The following LPIN1 variants were observed in gnomAD, a reference collection of about 807,000 sequenced individuals.
LPIN1 encodes the protein phosphatidate phosphatase LPIN1.
Under a neutral mutation model 107.5 loss-of-function variants are expected in LPIN1, and 71 were observed. The observed-to-expected ratio is 0.66, with a 90% CI of 0.55 to 0.80. The LOEUF is 0.80. LPIN1 is among the 30% of genes least tolerant of loss of function. The probability of loss-of-function intolerance (pLI) is 0.00; values close to 1 mark genes in which losing one functional copy is unlikely to be tolerated. For synonymous variants in LPIN1, 445 were observed against 452.6 expected (o/e 0.98, Z 0.21); for missense variants, 1,043 against 1,160.6 (o/e 0.90, Z 1.47).
chr2:11,813,134 C>G (rs1037397128), intron 17 of LPIN1, among the ~76,000 whole-genome samples: 1 of 152,014 alleles, frequency 6.6e-6, no homozygotes, highest in Admixed American at 6.6e-5. Flanking sequence ...TTTTGGAGTG[C>G]GATGAGTACT....
intron 12 of LPIN1, among the ~76,000 whole-genome samples, chr2:11,791,457 C>A (rs947554903): frequency 9.9e-5 from 15 of 151,968 alleles, no homozygotes; most frequent in African/African-American, 3.6e-4. Context: ...AGAAATTTAC[C>A]CTTAGTAAAA....
intron 1 of LPIN1, among the ~76,000 whole-genome samples, chr2:11,730,070 T>C (rs1665038341): frequency 6.6e-6 from 1 of 152,208 alleles, no homozygotes; most frequent in Non-Finnish European, 1.5e-5. Flanking sequence ...TCCACCCTAC[T>C]CTTTCTCTCT....
At chr2:11,751,955 TG>T (rs1558801498) in intron 1 of LPIN1, among the ~76,000 whole-genome samples, 1 of 152,256 alleles carries the variant, frequency 6.6e-6, no homozygotes, top group African/African-American at 2.4e-5. Flanking sequence ...TTAATATTTA[TG>T]GAGCTACCTC....
At chr2:11,810,506 C>A (rs530325526) in intron 17 of LPIN1, among the ~76,000 whole-genome samples, 1 of 152,138 alleles carries the variant, frequency 6.6e-6, no homozygotes, top group African/African-American at 2.4e-5. Context: ...GGTTGCAGAG[C>A]GCCTGGGAGG....
intron 18 of LPIN1, chr2:11,818,097 C>G (rs1433931623): frequency 6.6e-6 from 1 of 152,222 alleles, no homozygotes; most frequent in Non-Finnish European, 1.5e-5. Flanking sequence ...GCCATAGTGT[C>G]CCAGCTCCCA....
At chr2:11,746,570 T>G, upstream of LPIN1, 4 of 717,878 alleles carry the variant, frequency 5.6e-6, no homozygotes, top group Non-Finnish European at 6.8e-6. Context: ...GCCCCTGCCC[T>G]CTGCCCCCGC....
rs1254311885 is a variant in LPIN1, at chr2:11,805,038, T to C, written c.2163-32T>C. On this transcript the variant is annotated intron_variant, in intron 16 of 20. Coordinates refer to ENST00000674199, the MANE Select transcript of LPIN1 (RefSeq NM_001349206.2). ...GTGCAATGAATCTGAAAGGGATTTTTACTTTATTTTTCTCTTTTCCTCTTC... is the reference window on the plus strand; with the variant it reads ...GTGCAATGAATCTGAAAGGGATTTTCACTTTATTTTTCTCTTTTCCTCTTC... 3.6e-6 allele frequency: 5 copies of C among 1,381,182 alleles called. No homozygotes were observed. In the South Asian group the frequency reaches 5.8e-5, roughly 16 times the overall value. The allele number at this position is 1,381,182 out of a possible 1,614,324, so 85.6% of individuals were successfully genotyped here.
intron 9 of LPIN1, chr2:11,784,424 CA>C (rs1273614227): frequency 2.7e-6 from 3 of 1,116,290 alleles, no homozygotes; most frequent in African/African-American, 1.6e-5. Flanking sequence ...CACCTCTGGA[CA>C]GGGGCGCAGC....
chr2:11,745,486 ACTG>A (rs1035398406), upstream of LPIN1, among the ~76,000 whole-genome samples: 5 of 152,196 alleles, frequency 3.3e-5, no homozygotes, highest in African/African-American at 1.2e-4. Context: ...AGGTGGGAAG[ACTG>A]CTTGAGCCCA....
chr2:11,820,268 G>T (rs1314733084), intron 19 of LPIN1, 143 bp from the exon 20 acceptor site: 3 of 658,302 alleles, frequency 4.6e-6, no homozygotes, highest in Non-Finnish European at 5.5e-6. Flanking sequence ...TCCCATCAAA[G>T]GATATTCTTT....
intron 2 of LPIN1, among the ~76,000 whole-genome samples, chr2:11,766,880 C>T (rs1245891872): frequency 6.6e-6 from 1 of 152,110 alleles, no homozygotes; most frequent in Non-Finnish European, 1.5e-5. Flanking sequence ...GGGAGGAAAG[C>T]GTAATGGTGG....
chr2:11,760,549 C>T (rs548537826), intron 1 of LPIN1, among the ~76,000 whole-genome samples: 1 of 152,190 alleles, frequency 6.6e-6, no homozygotes, highest in Non-Finnish European at 1.5e-5. Context: ...GGCGTGGCGG[C>T]GCACGCCTGC....
At chr2:11,743,531 C>A (rs1383835575), upstream of LPIN1, among the ~76,000 whole-genome samples, 1 of 152,162 alleles carries the variant, frequency 6.6e-6, no homozygotes, top group Non-Finnish European at 1.5e-5. This position sits in a 1 kb window ranked among gnomAD's most constrained non-coding sequence, Gnocchi z 4.7. Context: ...CTGGTTCCCA[C>A]CTGGTTCTTA....
In LPIN1 at chr2:11,824,659, C is replaced by A; in HGVS notation, c.2649C>A (p.Asp883Glu). Residue 883 changes from aspartate (D) to glutamate (E), a missense_variant, in exon 21 of 21, where the codon GAC becomes GAA. By Grantham distance (45) the Asp-to-Glu change is conservative (BLOSUM62 2). Coordinates refer to ENST00000674199, the MANE Select transcript of LPIN1 (RefSeq NM_001349206.2). Reference protein sequence around the residue: ...SSYVRLCEVVDHVFPLLKRSH... With the variant: ...SSYVRLCEVVEHVFPLLKRSH... Reference sequence around the variant, plus strand: ...ATGTGAGACTCTGTGAAGTAGTCGACCACGTTTTCCCGTTGCTGAAAAGAA... The same window carrying A: ...ATGTGAGACTCTGTGAAGTAGTCGAACACGTTTTCCCGTTGCTGAAAAGAA... 4 of 1,614,096 alleles carry A rather than the reference C, an allele frequency of 2.5e-6. No homozygotes were observed. Among genetic ancestry groups the A allele is most frequent in the Non-Finnish European group, 3.4e-6 (4 of 1,180,040 alleles).
intron 20 of LPIN1, among the ~76,000 whole-genome samples, chr2:11,822,010 G>T (rs561567146): frequency 6.6e-6 from 1 of 152,096 alleles, no homozygotes; most frequent in Non-Finnish European, 1.5e-5. Flanking sequence ...ACAATGTCTC[G>T]TTCCCACTCC....
intron 11 of LPIN1, among the ~76,000 whole-genome samples, chr2:11,788,058 T>C (rs1674969857): frequency 6.6e-6 from 1 of 152,208 alleles, no homozygotes; most frequent in Non-Finnish European, 1.5e-5. Flanking sequence ...TACACCTAGT[T>C]GCCTTTACCT....
intron 9 of LPIN1, 187 bp from the exon 10 acceptor site, chr2:11,784,699 T>C: frequency 1.5e-6 from 1 of 669,974 alleles, no homozygotes; most frequent in Non-Finnish European, 2.7e-6. Context: ...AAGTAATGGT[T>C]TTCTCTCCTA....
intron 14 of LPIN1, among the ~76,000 whole-genome samples, chr2:11,796,971 G>A (rs1453765517): frequency 6.6e-6 from 1 of 152,210 alleles, no homozygotes; most frequent in African/African-American, 2.4e-5. Context: ...AGGTGCCAGT[G>A]CCACCGTCAG....
intron 20 of LPIN1, among the ~76,000 whole-genome samples, chr2:11,822,744 T>C (rs1248041639): frequency 2.6e-5 from 4 of 152,128 alleles, no homozygotes; most frequent in Non-Finnish European, 5.9e-5. Context: ...AAAAGAACTT[T>C]GAACCAATGA....
Sources: gnomAD v4.1 joint callset for allele counts (sites outside exome capture counted in the v4.1 genomes callset) on GRCh38, gnomAD v4.1.1 for gene constraint, Gnocchi (gnomAD v3.1) non-coding constraint, MANE v1.5 for transcripts, NCBI Gene and HGNC (gene_info 2026-07-23, HGNC 2026-07-21) for gene names.